The following SMIM35 variants were observed in gnomAD, a reference collection of about 807,000 sequenced individuals.
The protein encoded by SMIM35 is small integral membrane protein 35.
chr11:118,025,628 T>C (rs923735750), intron 1 of SMIM35: 11 of 448,324 alleles, frequency 2.5e-5, no homozygotes, highest in Non-Finnish European at 4.5e-5. Context: ...TGCCCACTTT[T>C]TAATGGGGTT....
At position 118,071,006 on chromosome 11, in the gene SMIM35, C is replaced by T. The variant is rs561836537; in HGVS notation, c.7+15745G>A. 2.8e-3 allele frequency among the ~76,000 whole-genome samples: 423 copies of T among 152,312 alleles called. 3 individuals are homozygous for T. The highest frequency in any genetic ancestry group is 9.6e-3 in the African/African-American group (401 of 41,562). On this transcript the variant is annotated intron_variant, in intron 1 of 4. Coordinates refer to ENST00000689828, the MANE Select transcript of SMIM35 (RefSeq NM_001394165.1). ...GAAATGGAGGTAATAGCAGCACCCA[C>T]GTTATAGGGTGGCTGCAAAGACAAA...
In SMIM35 at chr11:118,051,549, C is replaced by T. The variant is rs561078153; in HGVS notation, c.7+35202G>A. On this transcript the variant is annotated intron_variant, in intron 1 of 4. Coordinates refer to ENST00000689828, the MANE Select transcript of SMIM35 (RefSeq NM_001394165.1). ...CTTGCAAATCAGGGCTGAGTCTCAG[C>T]GATCCATTGCACTGGTGATAGCCTG... Among the ~76,000 whole-genome samples the T allele has an allele frequency of 1.1e-4, 17 of 152,334 alleles. No homozygotes were observed. In the East Asian group the frequency reaches 1.5e-3, roughly 14 times the overall value.
chr11:118,085,596 A>C (rs141943664), intron 1 of SMIM35, among the ~76,000 whole-genome samples: 1 of 152,308 alleles, frequency 6.6e-6, no homozygotes, highest in Non-Finnish European at 1.5e-5. Flanking sequence ...TTTTTAAATT[A>C]ACGTCAGACT....
intron 1 of SMIM35, among the ~76,000 whole-genome samples, chr11:118,049,339 ATTTTTTTTT>A (rs398017739): frequency 4.8e-5 from 4 of 83,992 alleles, no homozygotes; most frequent in Non-Finnish European, 9.1e-5. Flanking sequence ...TCCACCCTTA[ATTTTTTTTT>A]TTTTTTTTTT....
At chr11:118,069,012 G>A (rs1025039338) in intron 1 of SMIM35, among the ~76,000 whole-genome samples, 7 of 152,138 alleles carry the variant, frequency 4.6e-5, no homozygotes, top group Admixed American at 6.5e-5. Flanking sequence ...ATTTGTTAAC[G>A]GACCACCATT....
At chr11:118,028,282 A>T (rs898281121) in intron 1 of SMIM35, among the ~76,000 whole-genome samples, 4 of 152,064 alleles carry the variant, frequency 2.6e-5, no homozygotes, top group Non-Finnish European at 2.9e-5. Context: ...GCGTGGTGAG[A>T]CCCAGGATTT....
intron 1 of SMIM35, among the ~76,000 whole-genome samples, chr11:118,082,699 C>A (rs530521179): frequency 6.6e-6 from 1 of 152,222 alleles, no homozygotes; most frequent in East Asian, 1.9e-4. Context: ...AAGTTTCATA[C>A]CCAATGCTGC....
intron 1 of SMIM35, among the ~76,000 whole-genome samples, chr11:118,071,179 CCCCTA>C: frequency 6.6e-6 from 1 of 152,350 alleles, no homozygotes; most frequent in East Asian, 1.9e-4. Flanking sequence ...CTTCCCCTCA[CCCCTA>C]CCCTCAAGTC....
intron 1 of SMIM35, among the ~76,000 whole-genome samples, chr11:118,072,943 CG>C (rs1565399168): frequency 1.3e-5 from 2 of 152,282 alleles, no homozygotes; most frequent in Non-Finnish European, 2.9e-5. Context: ...GTTTTTGAGA[CG>C]GAGTCTCGCT....
At chr11:118,078,052 G>GGAAAA (rs10627398) in intron 1 of SMIM35, among the ~76,000 whole-genome samples, 76,849 of 118,902 alleles carry the variant, frequency 0.65, 25,207 homozygotes, top group Admixed American at 0.72. Context: ...AAAGAAAGAA[G>GGAAAA]GAAAAGAAAA....
intron 4 of SMIM35, among the ~76,000 whole-genome samples, chr11:118,013,126 T>C (rs1278291788): frequency 6.6e-6 from 1 of 152,036 alleles, no homozygotes; most frequent in Non-Finnish European, 1.5e-5. Context: ...TCCCATACCA[T>C]AGGCTGGTGG....
At chr11:118,014,240 C>T (rs564805286) in intron 3 of SMIM35, among the ~76,000 whole-genome samples, 2 of 152,190 alleles carry the variant, frequency 1.3e-5, no homozygotes, top group African/African-American at 4.8e-5. Context: ...TCTTTGTACT[C>T]TTTGAAACTA....
At chr11:118,075,930 G>GC (rs1221701801) in intron 1 of SMIM35, among the ~76,000 whole-genome samples, 3 of 9,534 alleles carry the variant, frequency 3.1e-4, no homozygotes, top group Non-Finnish European at 8.4e-4. Flanking sequence ...CCCCTGGCCA[G>GC]GGGGCAGCTC....
At chr11:118,009,725 T>TAAA (rs35140092) in intron 4 of SMIM35, among the ~76,000 whole-genome samples, 3 of 135,274 alleles carry the variant, frequency 2.2e-5, no homozygotes, top group African/African-American at 5.4e-5. Flanking sequence ...GCAGACGCTT[T>TAAA]AAAAAAAAAA....
intron 1 of SMIM35, among the ~76,000 whole-genome samples, chr11:118,021,524 A>G (rs2058231453): frequency 6.6e-6 from 1 of 151,944 alleles, no homozygotes; most frequent in Non-Finnish European, 1.5e-5. Context: ...CATCTTTCCT[A>G]TAGTTTTTAT....
At position 118,048,355 on chromosome 11, in the gene SMIM35, C is replaced by A. The variant is rs537486442; in HGVS notation, c.8-32546G>T. ...CGAAACCCAGTCTCTATTAAAAATACAAAAAAAATTAGCTGGACCTGCTGG... is the reference window on the plus strand; with the variant it reads ...CGAAACCCAGTCTCTATTAAAAATAAAAAAAAAATTAGCTGGACCTGCTGG... On this transcript the variant is annotated intron_variant, in intron 1 of 4. Coordinates refer to ENST00000689828, the MANE Select transcript of SMIM35 (RefSeq NM_001394165.1). Among the ~76,000 whole-genome samples the A allele has an allele frequency of 1.3e-4, 20 of 151,840 alleles. No individual in the cohort carries two copies. The South Asian group carries it at 4.2e-3, about 32-fold the overall frequency.
At chr11:118,081,190 GA>G (rs1209432318) in intron 1 of SMIM35, among the ~76,000 whole-genome samples, 2 of 152,182 alleles carry the variant, frequency 1.3e-5, no homozygotes, top group African/African-American at 4.8e-5. Context: ...ATCTGACACT[GA>G]AAACAAGGCT....
intron 1 of SMIM35, among the ~76,000 whole-genome samples, chr11:118,081,817 G>A (rs181374650): frequency 4.1e-4 from 62 of 152,336 alleles, no homozygotes; most frequent in African/African-American, 1.4e-3. Context: ...GTACTGGCAA[G>A]ATACCATGGA....
chr11:118,021,757 G>C (rs1240653284), intron 1 of SMIM35, among the ~76,000 whole-genome samples: 2 of 152,086 alleles, frequency 1.3e-5, no homozygotes, highest in Non-Finnish European at 2.9e-5. Flanking sequence ...TCATTATATA[G>C]CTTTAAAATA....
Sources: gnomAD v4.1 joint callset for allele counts (sites outside exome capture counted in the v4.1 genomes callset) on GRCh38, gnomAD v4.1.1 for gene constraint, MANE v1.5 for transcripts, NCBI Gene and HGNC (gene_info 2026-07-23, HGNC 2026-07-21) for gene names.